CDC5L: variants seen among roughly 807,000 people sequenced by gnomAD.
CDC5L encodes the protein cell division cycle 5-like protein.
Under a neutral mutation model 104.1 loss-of-function variants are expected in CDC5L, and 18 were observed. The ratio of observed to expected loss-of-function variants is 0.17; its 90% CI spans 0.12 to 0.26. CDC5L has a LOEUF of 0.26. Among genes scored for constraint, CDC5L ranks in the 10% least tolerant of loss-of-function variants. The probability of loss-of-function intolerance (pLI) is 1.00; values close to 1 mark genes in which losing one functional copy is unlikely to be tolerated. For missense variants in CDC5L, 673 were observed against 956.9 expected, an observed-to-expected ratio of 0.70 and a Z score of 3.91; for synonymous variants, 331 against 322.7, an observed-to-expected ratio of 1.03 and a Z score of -0.28.
intron 14 of CDC5L, among the ~76,000 whole-genome samples, chr6:44,436,975 A>G (rs1351132317): frequency 1.3e-5 from 2 of 152,338 alleles, no homozygotes; most frequent in African/African-American, 4.8e-5. Flanking sequence ...TTTTGTCAGT[A>G]CATATTTAAA....
Position 44,424,607 on chromosome 6 carries a change from C to T in CDC5L, c.1569+24C>T, listed in dbSNP as rs200849661. On this transcript the variant is annotated intron_variant, in intron 11 of 15. Transcript: ENST00000371477. ...AGGTGGGTAACTGTACTGAAAGAAG[C>T]GTGAGTTTGGCTGAATGTGTCAGTA... is the stretch of plus-strand genomic sequence containing the variant. The T allele has an allele frequency of 2.4e-4, 392 of 1,611,232 alleles. No individual in the cohort carries two copies. The highest frequency in any genetic ancestry group is 5.0e-4 in the Middle Eastern group (3 of 6,048).
chr6:44,415,061 A>C (rs1408724222), intron 8 of CDC5L, among the ~76,000 whole-genome samples: 1 of 152,142 alleles, frequency 6.6e-6, no homozygotes, highest in East Asian at 1.9e-4. Flanking sequence ...TGTTCTTAGC[A>C]GCCCTTAAAA....
At chr6:44,418,510 C>T (rs558722059) in intron 8 of CDC5L, among the ~76,000 whole-genome samples, 1 of 152,288 alleles carries the variant, frequency 6.6e-6, no homozygotes, top group Admixed American at 6.5e-5. Context: ...GGGTATATAG[C>T]CAGTAATGGG....
At chr6:44,426,839 G>A (rs927631908) in intron 13 of CDC5L, 115 bp downstream of exon 13, 3 of 976,336 alleles carry the variant, frequency 3.1e-6, no homozygotes, top group Non-Finnish European at 4.6e-6. Context: ...CAACTGAAAT[G>A]TATGATTAGG....
chr6:44,393,371 C>T, intron 3 of CDC5L, 75 bp from the exon 4 acceptor site: 2 of 1,406,712 alleles, frequency 1.4e-6, no homozygotes, highest in Non-Finnish European at 1.9e-6. Context: ...AAAATATCGT[C>T]AGAACTTGGA....
chr6:44,442,711 A>G (rs1278743373), intron 14 of CDC5L, among the ~76,000 whole-genome samples: 1 of 152,080 alleles, frequency 6.6e-6, no homozygotes, highest in Non-Finnish European at 1.5e-5. Context: ...TATACTAGAG[A>G]TATAATTGAT....
intron 14 of CDC5L, among the ~76,000 whole-genome samples, chr6:44,433,570 C>G (rs1792785929): frequency 6.6e-6 from 1 of 152,076 alleles, no homozygotes. Context: ...GTCACGTTAG[C>G]TGTAAAAATG....
chr6:44,412,308 C>CT (rs36108951), intron 8 of CDC5L, among the ~76,000 whole-genome samples: 12 of 145,720 alleles, frequency 8.2e-5, no homozygotes, highest in South Asian at 2.2e-4. Flanking sequence ...CTGTCCCCCA[C>CT]TTTTTTTTTT....
At chr6:44,398,846 G>A (rs940968927) in intron 5 of CDC5L, among the ~76,000 whole-genome samples, 2 of 152,174 alleles carry the variant, frequency 1.3e-5, no homozygotes, top group Non-Finnish European at 2.9e-5. Flanking sequence ...GTGTATATAT[G>A]TACACTAACG....
chr6:44,424,612 G>A, intron 11 of CDC5L, 29 bp downstream of exon 11: 1 of 1,610,674 alleles, frequency 6.2e-7, no homozygotes, highest in Non-Finnish European at 8.5e-7. Flanking sequence ...AGAAGCGTGA[G>A]TTTGGCTGAA....
intron 8 of CDC5L, among the ~76,000 whole-genome samples, chr6:44,410,501 G>A (rs2153378502): frequency 6.6e-6 from 1 of 152,276 alleles, no homozygotes; most frequent in East Asian, 1.9e-4. Context: ...AATTTTTCAA[G>A]ATCTTGCATA....
intron 5 of CDC5L, among the ~76,000 whole-genome samples, chr6:44,400,456 C>T (rs762645061): frequency 2.6e-5 from 4 of 152,178 alleles, no homozygotes; most frequent in Admixed American, 6.5e-5. Flanking sequence ...GGCATGATCT[C>T]GGCTCACTGC....
intron 5 of CDC5L, among the ~76,000 whole-genome samples, chr6:44,401,711 A>T (rs1306485490): frequency 2.6e-5 from 4 of 151,536 alleles, no homozygotes; most frequent in Admixed American, 2.0e-4. Context: ...TGTGCAGGTT[A>T]GTTACATATG....
rs1188720871 is a variant in CDC5L, at chr6:44,445,699, G to A, written c.2136G>A (p.Lys712=). 1.2e-6 allele frequency: 2 copies of A among 1,613,994 alleles called. No homozygotes were observed. The highest frequency in any genetic ancestry group is 2.7e-5 in the African/African-American group (2 of 74,922). Residue 712 remains lysine, a synonymous_variant, in exon 15 of 16, where the codon AAG becomes AAA. Coordinates refer to ENST00000371477, the MANE Select transcript of CDC5L (RefSeq NM_001253.4). ...HMTTEAKRAA[K]MEKKMKILLG... is the part of the protein sequence containing the mutation. ...CGACAGAAGCCAAGAGGGCTGCAAAGATGGAAAAGAAGATGAAAATTTTGC... is the reference window on the plus strand; with the variant it reads ...CGACAGAAGCCAAGAGGGCTGCAAAAATGGAAAAGAAGATGAAAATTTTGC...
intron 13 of CDC5L, among the ~76,000 whole-genome samples, chr6:44,428,322 T>G (rs1561977466): frequency 6.6e-6 from 1 of 152,196 alleles, no homozygotes; most frequent in Non-Finnish European, 1.5e-5. Flanking sequence ...TGTTAAAATT[T>G]TTTGTTTATC....
chr6:44,426,260 A>T (rs907208084), intron 12 of CDC5L, 77 bp downstream of exon 12: 1 of 1,063,984 alleles, frequency 9.4e-7, no homozygotes, highest in African/African-American at 1.6e-5. Context: ...TCATTCATAA[A>T]GACTATAAAA....
At chr6:44,395,322 C>T (rs1790821388) in intron 4 of CDC5L, among the ~76,000 whole-genome samples, 1 of 152,228 alleles carries the variant, frequency 6.6e-6, no homozygotes, top group African/African-American at 2.4e-5. Context: ...GATCATTACA[C>T]ATTCTATGCA....
intron 13 of CDC5L, 77 bp downstream of exon 13, chr6:44,426,801 CT>C (rs1792442886): frequency 7.3e-7 from 1 of 1,374,526 alleles, no homozygotes; most frequent in Admixed American, 2.0e-5. Flanking sequence ...AAATAATGAA[CT>C]TATTTTTCCC....
intron 8 of CDC5L, among the ~76,000 whole-genome samples, chr6:44,410,737 G>C (rs1220717585): frequency 6.6e-6 from 1 of 152,038 alleles, no homozygotes; most frequent in African/African-American, 2.4e-5. Context: ...CATGTTTCTT[G>C]GTGAAGGTCT....
Sources: gnomAD v4.1 joint callset for allele counts (sites outside exome capture counted in the v4.1 genomes callset) on GRCh38, gnomAD v4.1.1 for gene constraint, MANE v1.5 for transcripts, NCBI Gene and HGNC (gene_info 2026-07-23, HGNC 2026-07-21) for gene names.